Variants in PCDHA9 observed in about 807,000 individuals in gnomAD.
PCDHA9 encodes the protein protocadherin alpha-9.
Under a neutral mutation model 62.0 loss-of-function variants are expected in PCDHA9, and 62 were observed. The ratio of observed to expected loss-of-function variants is 1.00; its 90% CI spans 0.81 to 1.23. PCDHA9 has a LOEUF of 1.23. Ranked by LOEUF, PCDHA9 falls within the 50% of genes most tolerant of loss-of-function variation. The pLI is 0.00. For missense variants in PCDHA9, 1,205 were observed against 1,249.8 expected, an observed-to-expected ratio of 0.96 and a Z score of 0.54; for synonymous variants, 557 against 567.6, an observed-to-expected ratio of 0.98 and a Z score of 0.27.
chr5:140,972,884 G>A (rs763416041), intron 1 of PCDHA9, among the ~76,000 whole-genome samples: 4 of 151,972 alleles, frequency 2.6e-5, no homozygotes, highest in African/African-American at 7.3e-5. Flanking sequence ...GGATGGTCTC[G>A]ATCTCTTGAC....
intron 1 of PCDHA9, among the ~76,000 whole-genome samples, chr5:140,918,196 G>T (rs978589409): frequency 7.9e-5 from 12 of 152,102 alleles, no homozygotes; most frequent in Non-Finnish European, 1.6e-4. Flanking sequence ...CCTCAGCTTG[G>T]ATGTTGTTGG....
At chr5:140,967,354 C>T in intron 1 of PCDHA9, 1 of 1,607,952 alleles carries the variant, frequency 6.2e-7, no homozygotes, top group South Asian at 1.1e-5. Flanking sequence ...TCGAGCTGGA[C>T]CTTAAGCCCC....
At chr5:140,862,919 T>C (rs782169280) in intron 1 of PCDHA9, 73 of 546,740 alleles carry the variant, frequency 1.3e-4, no homozygotes, top group Non-Finnish European at 2.4e-4. Flanking sequence ...GCGCCTTGGG[T>C]GGGCTGGCGG....
rs2041366317 is a variant in PCDHA9, at chr5:140,850,125, C to T, written c.1630C>T (p.Pro544Ser). 1 of 1,596,002 alleles carries T rather than the reference C, an allele frequency of 6.3e-7. No individual in the cohort carries two copies. Among genetic ancestry groups the T allele is most frequent in the Non-Finnish European group, 8.6e-7 (1 of 1,167,868 alleles). Residue 544 changes from proline (P) to serine (S), a missense_variant, in exon 1 of 4, where the codon CCT becomes TCT. By Grantham distance (74) the Pro-to-Ser change is moderately conservative (BLOSUM62 -1). Coordinates refer to ENST00000532602, the MANE Select transcript of PCDHA9 (RefSeq NM_031857.2). The stretch of plus-strand genomic sequence containing the variant: ...GAGCGCGCGCGACGCGGGCGTGCCG[C>T]CTCTGGGCAGCAACGTGACGCTGCA... The part of the protein sequence containing the change: ...QVSARDAGVP[P>S]LGSNVTLQVF...
intron 3 of PCDHA9, among the ~76,000 whole-genome samples, chr5:140,994,308 C>T (rs1402344988): frequency 6.6e-6 from 1 of 152,086 alleles, no homozygotes; most frequent in African/African-American, 2.4e-5. Flanking sequence ...TTTCACAGGG[C>T]CCAAACACTC....
intron 1 of PCDHA9, among the ~76,000 whole-genome samples, chr5:140,916,315 A>C (rs1554197391): frequency 3.9e-5 from 6 of 152,204 alleles, no homozygotes; most frequent in Non-Finnish European, 8.8e-5. Context: ...GGTGCAAGAC[A>C]AAGTCCCCTT....
At chr5:140,995,903 G>A (rs1554254885) in intron 3 of PCDHA9, among the ~76,000 whole-genome samples, 2 of 152,206 alleles carry the variant, frequency 1.3e-5, no homozygotes, top group East Asian at 1.9e-4. Flanking sequence ...ATGTATAAAA[G>A]AGGAGAGACC....
intron 3 of PCDHA9, among the ~76,000 whole-genome samples, chr5:140,999,630 A>G (rs2097866462): frequency 1.3e-5 from 2 of 152,210 alleles, no homozygotes; most frequent in Non-Finnish European, 2.9e-5. Context: ...GAAACAAGGT[A>G]GAGAAAACTG....
At chr5:140,969,251 A>T in intron 1 of PCDHA9, 3 of 1,614,262 alleles carry the variant, frequency 1.9e-6, no homozygotes, top group Non-Finnish European at 2.5e-6. Context: ...AGTGACTGAC[A>T]GCAGGAATCT....
rs1294664970 is a variant in PCDHA9, at chr5:140,858,562, T to C, written c.2394+7673T>C. On this transcript the variant is annotated intron_variant, in intron 1 of 3. Transcript: ENST00000532602. Reference sequence around the variant, plus strand: ...CATTCCATTTATGCTTGAATATTTCTAGTGATACCTTTGTAATATAATTTA... The same window carrying C: ...CATTCCATTTATGCTTGAATATTTCCAGTGATACCTTTGTAATATAATTTA... 46 of 1,371,718 alleles carry C rather than the reference T, an allele frequency of 3.4e-5. 2 individuals carry two copies. Among genetic ancestry groups the C allele is most frequent in the Non-Finnish European group, 4.5e-5 (45 of 990,734 alleles). 85.0% of individuals were successfully genotyped at this position (1,371,718 alleles called of 1,614,324 possible).
chr5:140,870,427 G>A, intron 1 of PCDHA9: 1 of 1,614,220 alleles, frequency 6.2e-7, no homozygotes, highest in Non-Finnish European at 8.5e-7. Flanking sequence ...CAGGGTATCC[G>A]TGGAGGTGGC....
chr5:140,956,044 T>G (rs1335890349), intron 1 of PCDHA9, among the ~76,000 whole-genome samples: 1 of 152,200 alleles, frequency 6.6e-6, no homozygotes, highest in African/African-American at 2.4e-5. Context: ...AAGAAGCTTT[T>G]GGGCTGAGAC....
intron 1 of PCDHA9, chr5:140,871,246 C>A: frequency 6.2e-7 from 1 of 1,613,982 alleles, no homozygotes; most frequent in Non-Finnish European, 8.5e-7. Flanking sequence ...ACTCACGCTG[C>A]TGCTGTATAC....
chr5:140,954,209 T>C (rs2094996699), intron 1 of PCDHA9, among the ~76,000 whole-genome samples: 1 of 152,218 alleles, frequency 6.6e-6, no homozygotes, highest in Non-Finnish European at 1.5e-5. Context: ...GTTGATCCCA[T>C]GTTTTTGCTA....
chr5:140,848,892 T>A lies in PCDHA9; in HGVS notation c.397T>A (p.Phe133Ile), dbSNP rs2150423742. The change falls in exon 1 of 4, where the codon TTC becomes ATC. Residue 133 changes from phenylalanine (F) to isoleucine (I), a missense_variant. Around this residue, in one of 3 missense-constraint regions of PCDHA9, gnomAD observed 208 missense variants for 213.2 expected, o/e 0.98. Coordinates refer to ENST00000532602, the MANE Select transcript of PCDHA9 (RefSeq NM_031857.2). ...GGACATTAACGACAACCCTCCAGTG[T>A]TCCCAGCGACACAAAAGAATCTGTT... ...VKDINDNPPV[F>I]PATQKNLFIA... is the part of the protein sequence containing the mutation. 2 of 1,601,494 alleles carry A rather than the reference T, an allele frequency of 1.2e-6. No individual in the cohort carries two copies. Among genetic ancestry groups the A allele is most frequent in the East Asian group, 2.2e-5 (1 of 44,822 alleles).
rs781792274 is a variant in PCDHA9 at position 140,927,895 on chromosome 5, G to C, written c.2395-51054G>C. ...GCTGGTGGAGGTGACTGACGTGAAC[G>C]ATCATGCCCCCGAACTGGACTTCCT... On this transcript the variant is annotated intron_variant, in intron 1 of 3. Coordinates refer to ENST00000532602, the MANE Select transcript of PCDHA9 (RefSeq NM_031857.2). The C allele has an allele frequency of 3.7e-6, 6 of 1,614,074 alleles. No homozygotes were observed. The South Asian group carries it at 6.6e-5, about 18-fold the overall frequency.
At chr5:140,939,766 C>T (rs58911992) in intron 1 of PCDHA9, among the ~76,000 whole-genome samples, 27,055 of 152,058 alleles carry the variant, frequency 0.18, 2,673 homozygotes, top group African/African-American at 0.26. Context: ...TATAGTATTT[C>T]AGGGTGTGAA....
At chr5:140,875,841 G>A in intron 1 of PCDHA9, 2 of 1,614,164 alleles carry the variant, frequency 1.2e-6, no homozygotes, top group Non-Finnish European at 1.7e-6. Flanking sequence ...ACGTGGAGGT[G>A]AAGGACATTA....
At chr5:140,999,215 C>T (rs1290752092) in intron 3 of PCDHA9, among the ~76,000 whole-genome samples, 1 of 152,140 alleles carries the variant, frequency 6.6e-6, no homozygotes, top group South Asian at 2.1e-4. Context: ...TCTGGAAGTA[C>T]TACATTTGAG....
Sources: gnomAD v4.1 joint callset for allele counts (sites outside exome capture counted in the v4.1 genomes callset) on GRCh38, gnomAD v4.1.1 for gene constraint, gnomAD v4.1.1 regional missense constraint, MANE v1.5 for transcripts, NCBI Gene and HGNC (gene_info 2026-07-23, HGNC 2026-07-21) for gene names.